PPARGC1A: variants seen among roughly 807,000 people sequenced by gnomAD.
PPARGC1A encodes the protein PPARG coactivator 1 alpha.
Under a neutral mutation model 88.7 loss-of-function variants are expected in PPARGC1A, and 25 were observed. That is an observed-to-expected ratio of 0.28 (90% CI 0.21 to 0.39). The LOEUF is 0.39. Among genes scored for constraint, PPARGC1A ranks in the 10% least tolerant of loss-of-function variants. The pLI is 1.00. For synonymous variants in PPARGC1A, 363 were observed against 355.6 expected (o/e 1.02, Z -0.24); for missense variants, 880 against 968.7 (o/e 0.91, Z 1.22).
chr4:23,921,405 A>G, the PPARGC1A span, among the ~76,000 whole-genome samples: 1,527 of 152,306 alleles, frequency 0.01, 30 homozygotes, highest in African/African-American at 0.035. Context: ...GTAATTTAAA[A>G]CTATGTTTCT....
At chr4:23,949,971 G>A in the PPARGC1A span, among the ~76,000 whole-genome samples, 1 of 152,128 alleles carries the variant, frequency 6.6e-6, no homozygotes, top group Non-Finnish European at 1.5e-5. Context: ...CACTAAAAAT[G>A]TGGCTGAGTT....
At chr4:24,116,003 C>T in the PPARGC1A span, among the ~76,000 whole-genome samples, 1 of 152,038 alleles carries the variant, frequency 6.6e-6, no homozygotes, top group East Asian at 1.9e-4. Context: ...CCTTACATTC[C>T]AGTTATTGGA....
chr4:24,266,807 CACT>C, the PPARGC1A span, among the ~76,000 whole-genome samples: 1 of 152,166 alleles, frequency 6.6e-6, no homozygotes, highest in African/African-American at 2.4e-5. Context: ...TCCCATTCCT[CACT>C]ACCAGCTAAC....
At chr4:24,194,378 A>G in the PPARGC1A span, among the ~76,000 whole-genome samples, 1 of 152,134 alleles carries the variant, frequency 6.6e-6, no homozygotes, top group African/African-American at 2.4e-5. Flanking sequence ...ATACTTTAGC[A>G]TCCTTTTTCT....
At chr4:23,915,228 G>A in the PPARGC1A span, among the ~76,000 whole-genome samples, 3 of 152,046 alleles carry the variant, frequency 2.0e-5, no homozygotes, top group South Asian at 6.2e-4. Context: ...CAAGGCAATA[G>A]GAATATCATA....
the PPARGC1A span, among the ~76,000 whole-genome samples, chr4:23,921,534 C>T: frequency 6.6e-6 from 1 of 152,190 alleles, no homozygotes; most frequent in Admixed American, 6.5e-5. Context: ...TGTAAAGCCC[C>T]CAGGCACACT....
chr4:24,271,419 C>G, the PPARGC1A span, among the ~76,000 whole-genome samples: 2 of 151,980 alleles, frequency 1.3e-5, no homozygotes, highest in African/African-American at 2.4e-5. Context: ...GCTCTGTGGC[C>G]CTGGCTGGAG....
At chr4:24,323,983 T>C in the PPARGC1A span, among the ~76,000 whole-genome samples, 1 of 152,210 alleles carries the variant, frequency 6.6e-6, no homozygotes, top group African/African-American at 2.4e-5. Flanking sequence ...ATTCCTTTCA[T>C]TTTCTGGTAG....
At chr4:24,265,633 T>C in the PPARGC1A span, among the ~76,000 whole-genome samples, 1 of 152,124 alleles carries the variant, frequency 6.6e-6, no homozygotes, top group Non-Finnish European at 1.5e-5. Flanking sequence ...GATACACCTA[T>C]GATTAGTCCA....
At chr4:23,889,193 TTC>T in intron 1 of PPARGC1A, 2 of 985,386 alleles carry the variant, frequency 2.0e-6, no homozygotes, top group Non-Finnish European at 2.4e-6. Flanking sequence ...ATAAACTCTA[TTC>T]TCTCTCAGCT....
chr4:23,825,863 G>T (rs1470376230), intron 5 of PPARGC1A, among the ~76,000 whole-genome samples: 1 of 151,978 alleles, frequency 6.6e-6, no homozygotes, highest in Non-Finnish European at 1.5e-5. Context: ...ATTAATTTTT[G>T]AGTATGTCTA....
At chr4:24,341,138 A>C in the PPARGC1A span, among the ~76,000 whole-genome samples, 1 of 151,958 alleles carries the variant, frequency 6.6e-6, no homozygotes, top group Non-Finnish European at 1.5e-5. Context: ...AAGGAAAAGA[A>C]AACTATTTGG....
the PPARGC1A span, among the ~76,000 whole-genome samples, chr4:24,145,078 A>AGTGTGTGT: frequency 0.015 from 2,148 of 144,294 alleles, 26 homozygotes; most frequent in South Asian, 0.048. Context: ...GTGTTGAATG[A>AGTGTGTGT]GTGTGTGTGT....
the PPARGC1A span, among the ~76,000 whole-genome samples, chr4:23,919,484 A>G: frequency 5.3e-5 from 7 of 131,172 alleles, no homozygotes; most frequent in African/African-American, 9.9e-5. Context: ...AGAAGGTATT[A>G]TGCCTCAAGG....
the PPARGC1A span, among the ~76,000 whole-genome samples, chr4:24,366,554 C>T: frequency 6.6e-6 from 1 of 152,162 alleles, no homozygotes; most frequent in African/African-American, 2.4e-5. Context: ...ATATTTTCCT[C>T]TGTTTCAAGA....
At chr4:24,060,114 C>G in the PPARGC1A span, among the ~76,000 whole-genome samples, 1,976 of 152,284 alleles carry the variant, frequency 0.013, 32 homozygotes, top group South Asian at 0.075. Flanking sequence ...ACCTGCAGCA[C>G]ACAGCTTTAA....
chr4:24,051,229 T>C, the PPARGC1A span, among the ~76,000 whole-genome samples: 1 of 147,986 alleles, frequency 6.8e-6, no homozygotes, highest in Non-Finnish European at 1.5e-5. Flanking sequence ...CTAAACTCTA[T>C]TCATGCAAAT....
chr4:24,199,399 A>C, the PPARGC1A span, among the ~76,000 whole-genome samples: 1 of 152,154 alleles, frequency 6.6e-6, no homozygotes, highest in African/African-American at 2.4e-5. Context: ...ATACGTGATA[A>C]GTGCAACAAA....
chr4:23,957,814 T>C, the PPARGC1A span, among the ~76,000 whole-genome samples: 5 of 152,154 alleles, frequency 3.3e-5, no homozygotes, highest in African/African-American at 1.2e-4. Context: ...AGGTGATATT[T>C]ATAATTTTAT....
Sources: gnomAD v4.1 joint callset for allele counts (sites outside exome capture counted in the v4.1 genomes callset) on GRCh38, gnomAD v4.1.1 for gene constraint, MANE v1.5 for transcripts, NCBI Gene and HGNC (gene_info 2026-07-23, HGNC 2026-07-21) for gene names.